Variants in RALYL observed in about 807,000 individuals in gnomAD.
The protein encoded by RALYL is RNA-binding Raly-like protein.
A neutral mutation model predicts 35.1 loss-of-function variants in RALYL; 29 were observed. The ratio of observed to expected loss-of-function variants is 0.83; its 90% CI spans 0.61 to 1.13. RALYL has a LOEUF of 1.13. Ranked by LOEUF, RALYL falls within the 50% of genes most tolerant of loss-of-function variation. The pLI, the probability that RALYL is intolerant of heterozygous loss-of-function variation, is 0.00. For synonymous variants in RALYL, 120 were observed against 127.6 expected (o/e 0.94, Z 0.40); for missense variants, 359 against 360.4 (o/e 1.00, Z 0.03).
chr8:84,592,396 C>CT (rs1813498414), intron 2 of RALYL, among the ~76,000 whole-genome samples: 2 of 152,008 alleles, frequency 1.3e-5, no homozygotes, highest in South Asian at 4.1e-4. Context: ...TGCTTTCTTT[C>CT]TTTTTTATTT....
intron 1 of RALYL, among the ~76,000 whole-genome samples, chr8:84,400,089 A>T (rs6473549): frequency 2.6e-5 from 4 of 151,880 alleles, no homozygotes; most frequent in African/African-American, 9.7e-5. Context: ...GCACTTCAGC[A>T]TGGGTGACAG....
At chr8:84,359,616 A>T (rs1237853140) in intron 1 of RALYL, among the ~76,000 whole-genome samples, 2 of 152,128 alleles carry the variant, frequency 1.3e-5, no homozygotes, top group Non-Finnish European at 2.9e-5. Context: ...ACTGTAGAAT[A>T]AAACAAAGAT....
chr8:84,483,683 G>A (rs2133924015), intron 1 of RALYL, among the ~76,000 whole-genome samples: 1 of 152,214 alleles, frequency 6.6e-6, no homozygotes, highest in African/African-American at 2.4e-5. Flanking sequence ...TGGGAGGGCA[G>A]ATATTATCAA....
At chr8:84,887,535 T>C (rs1162461585) in intron 7 of RALYL, 69 bp from the exon 8 acceptor site, 7 of 1,424,540 alleles carry the variant, frequency 4.9e-6, no homozygotes, top group Non-Finnish European at 6.7e-6. Context: ...TGGACTGTTT[T>C]TTCATGGTTT....
intron 1 of RALYL, among the ~76,000 whole-genome samples, chr8:84,501,531 A>G (rs921942486): frequency 6.6e-6 from 1 of 152,062 alleles, no homozygotes; most frequent in Non-Finnish European, 1.5e-5. Flanking sequence ...GGTCATTTCC[A>G]TAAGATATAA....
chr8:84,380,486 T>C (rs548601816), intron 1 of RALYL, among the ~76,000 whole-genome samples: 1 of 151,978 alleles, frequency 6.6e-6, no homozygotes, highest in Admixed American at 6.6e-5. Flanking sequence ...TACTAGGTCA[T>C]GAGGCTCCTG....
intron 1 of RALYL, among the ~76,000 whole-genome samples, chr8:84,471,941 T>A (rs947567444): frequency 6.6e-6 from 1 of 152,190 alleles, no homozygotes; most frequent in Non-Finnish European, 1.5e-5. Context: ...TTACAATACT[T>A]TGGACAATAC....
intron 1 of RALYL, among the ~76,000 whole-genome samples, chr8:84,250,420 C>A (rs1026064226): frequency 2.0e-5 from 3 of 151,628 alleles, no homozygotes; most frequent in African/African-American, 7.3e-5. Flanking sequence ...GGCTGGAGTG[C>A]AGTGGCATGA....
intron 2 of RALYL, among the ~76,000 whole-genome samples, chr8:84,703,589 A>T (rs575573632): frequency 6.6e-6 from 1 of 152,306 alleles, no homozygotes; most frequent in East Asian, 1.9e-4. Context: ...ATAATGGAGA[A>T]TTAAAAGTGT....
intron 5 of RALYL, among the ~76,000 whole-genome samples, chr8:84,855,829 AAAAC>A (rs1455797812): frequency 2.0e-5 from 3 of 152,224 alleles, no homozygotes; most frequent in African/African-American, 7.2e-5. Context: ...TTAACAGAGA[AAAAC>A]AAATGCCACA....
In RALYL at chr8:84,228,154, CAAAA is replaced by C. The variant is rs57543989; in HGVS notation, c.-24+43749_-24+43752del. 4.6e-3 allele frequency among the ~76,000 whole-genome samples: 575 copies of C among 123,766 alleles called. 4 individuals are homozygous for C. The highest frequency in any genetic ancestry group is 0.013 in the Middle Eastern group (3 of 240). 81.2% of individuals were successfully genotyped at this position (123,766 alleles called of 152,430 possible). A position where few individuals can be genotyped will look rare whatever the true frequency, so the allele number is the denominator to read the frequency against. ...AACGAAGACATAAAGAATAGTCTAG[CAAAA>C]AAAAAAAAAAAAAAAAAATGTGATT... On this transcript the variant is annotated intron_variant, in intron 1 of 8. Coordinates refer to ENST00000521268, the MANE Select transcript of RALYL (RefSeq NM_173848.7).
chr8:84,521,554 C>A (rs1017495414), intron 1 of RALYL, among the ~76,000 whole-genome samples: 8 of 152,138 alleles, frequency 5.3e-5, no homozygotes, highest in African/African-American at 1.9e-4. Flanking sequence ...TAGAATAGAA[C>A]CCTCTGCCAA....
chr8:84,459,787 G>T (rs942128426), intron 1 of RALYL, among the ~76,000 whole-genome samples: 1 of 151,730 alleles, frequency 6.6e-6, no homozygotes, highest in Admixed American at 6.6e-5. Context: ...AATATCATCT[G>T]TTGGGAAATG....
intron 3 of RALYL, among the ~76,000 whole-genome samples, chr8:84,775,833 T>G (rs1357524513): frequency 6.6e-6 from 1 of 152,258 alleles, no homozygotes; most frequent in Non-Finnish European, 1.5e-5. Context: ...TGTTCTGCTG[T>G]TAAACCATAT....
chr8:84,885,377 G>T (rs1221194718), intron 7 of RALYL, among the ~76,000 whole-genome samples: 1 of 151,660 alleles, frequency 6.6e-6, no homozygotes, highest in East Asian at 1.9e-4. Context: ...AAAAATCTTG[G>T]TTACATTTTA....
chr8:84,645,916 GT>G (rs1168776808), intron 2 of RALYL, among the ~76,000 whole-genome samples: 2 of 151,796 alleles, frequency 1.3e-5, no homozygotes, highest in African/African-American at 2.4e-5. Flanking sequence ...GATACTTTAT[GT>G]TTTTTTAAGT....
At chr8:84,679,920 A>T (rs1422237202) in intron 2 of RALYL, 1 of 326,060 alleles carries the variant, frequency 3.1e-6, no homozygotes, top group Non-Finnish European at 6.0e-6. Context: ...TTACATGTAT[A>T]TACATGTGCC....
chr8:84,466,468 C>G (rs2051664470), intron 1 of RALYL, among the ~76,000 whole-genome samples: 1 of 150,840 alleles, frequency 6.6e-6, no homozygotes, highest in African/African-American at 2.4e-5. Context: ...TATATTGAAC[C>G]AGCCTTGCAT....
At chr8:84,527,323 A>G (rs1218034145) in intron 1 of RALYL, among the ~76,000 whole-genome samples, 1 of 152,194 alleles carries the variant, frequency 6.6e-6, no homozygotes. Flanking sequence ...GATTCAGAGT[A>G]CAGCTGTACC....
Sources: allele counts gnomAD v4.1 joint callset (sites outside exome capture counted in the v4.1 genomes callset), GRCh38; gene constraint gnomAD v4.1.1; transcripts MANE v1.5; gene names NCBI Gene and HGNC (gene_info 2026-07-23, HGNC 2026-07-21).